Variants in PRKN observed in about 807,000 individuals in gnomAD.
PRKN encodes the protein parkin RBR E3 ubiquitin protein ligase, also known as E3 ubiquitin-protein ligase parkin.
Under a neutral mutation model 59.5 loss-of-function variants are expected in PRKN, and 56 were observed. The observed-to-expected ratio is 0.94, with a 90% CI of 0.76 to 1.18. PRKN has a LOEUF of 1.18. Ranked by LOEUF, PRKN falls within the 50% of genes most tolerant of loss-of-function variation. The pLI is 0.00. For missense variants in PRKN, 657 were observed against 596.4 expected, an observed-to-expected ratio of 1.10 and a Z score of -1.06; for synonymous variants, 250 against 222.1, an observed-to-expected ratio of 1.13 and a Z score of -1.12.
chr6:161,809,811 C>A (rs1791488746), intron 6 of PRKN, among the ~76,000 whole-genome samples: 1 of 152,126 alleles, frequency 6.6e-6, no homozygotes, highest in African/African-American at 2.4e-5. Context: ...ATGAAGGATA[C>A]CACCTGAGAC....
At chr6:162,241,956 T>C (rs1215933345) in intron 3 of PRKN, among the ~76,000 whole-genome samples, 2 of 151,354 alleles carry the variant, frequency 1.3e-5, no homozygotes, top group African/African-American at 4.8e-5. Context: ...CAAGCACCTA[T>C]ATAATTTATC....
At chr6:162,481,689 A>G (rs1173693683) in intron 1 of PRKN, among the ~76,000 whole-genome samples, 2 of 152,206 alleles carry the variant, frequency 1.3e-5, no homozygotes, top group East Asian at 1.9e-4. Flanking sequence ...AAGCCATTTT[A>G]GATCATACCA....
intron 4 of PRKN, among the ~76,000 whole-genome samples, chr6:162,185,297 T>G (rs1452874992): frequency 6.6e-6 from 1 of 152,158 alleles, no homozygotes; most frequent in Non-Finnish European, 1.5e-5. Context: ...TTCCCCCCAC[T>G]AAATGATAAA....
chr6:161,658,030 A>AG (rs1554289232), intron 7 of PRKN, among the ~76,000 whole-genome samples: 10 of 104,878 alleles, frequency 9.5e-5, no homozygotes, highest in Admixed American at 2.0e-4. Flanking sequence ...AAAAAAAAAA[A>AG]AAAAGAAAAG....
intron 1 of PRKN, among the ~76,000 whole-genome samples, chr6:162,693,733 A>G (rs1777865438): frequency 6.6e-6 from 1 of 152,220 alleles, no homozygotes; most frequent in Non-Finnish European, 1.5e-5. Context: ...GTGCATAATA[A>G]AAGTTCAATT....
At chr6:162,242,652 C>G (rs2128092229) in intron 3 of PRKN, among the ~76,000 whole-genome samples, 1 of 152,264 alleles carries the variant, frequency 6.6e-6, no homozygotes, top group Non-Finnish European at 1.5e-5. Context: ...CTCACAGCAA[C>G]AAATGCCATC....
intron 7 of PRKN, among the ~76,000 whole-genome samples, chr6:161,758,840 G>A (rs970843960): frequency 2.0e-5 from 3 of 152,082 alleles, no homozygotes; most frequent in African/African-American, 7.2e-5. Context: ...TGTCTCTTCC[G>A]TCCTATACCA....
chr6:162,042,941 T>C (rs1784120305), intron 5 of PRKN, among the ~76,000 whole-genome samples: 1 of 152,182 alleles, frequency 6.6e-6, no homozygotes, highest in African/African-American at 2.4e-5. Context: ...CATTAGTCCA[T>C]TTGCATGCTG....
chr6:162,603,437 C>T (rs1207835605), intron 1 of PRKN, among the ~76,000 whole-genome samples: 1 of 152,154 alleles, frequency 6.6e-6, no homozygotes, highest in Non-Finnish European at 1.5e-5. Context: ...TGTGCTGGAA[C>T]CCAGTCCCAC....
rs1779874286 is a variant in PRKN at position 161,548,520 on chromosome 6, C to T, written c.1083+334G>A. On this transcript the variant is annotated intron_variant, in intron 9 of 11. Transcript: ENST00000366898. This position sits in a 1 kb window ranked among gnomAD's most constrained non-coding sequence, Gnocchi z 4.2. ...CACTCCTGTCTACTTAAAGGCAACT[C>T]TGAAGAAAGAATAAATTTTTGCTCT... Among the ~76,000 whole-genome samples, 1 of 152,170 alleles carries T rather than the reference C, an allele frequency of 6.6e-6. No individual in the cohort carries two copies. Among genetic ancestry groups the T allele is most frequent in the Non-Finnish European group, 1.5e-5 (1 of 68,038 alleles).
At chr6:161,742,145 T>G (rs979742840) in intron 7 of PRKN, among the ~76,000 whole-genome samples, 1 of 152,028 alleles carries the variant, frequency 6.6e-6, no homozygotes, top group African/African-American at 2.4e-5. Flanking sequence ...AATTTTTGTA[T>G]TTTTAGTAGA....
In PRKN at chr6:162,106,997, A is replaced by G. The variant is rs577278592; in HGVS notation, c.535-52823T>C. 1.1e-4 allele frequency among the ~76,000 whole-genome samples: 17 copies of G among 152,254 alleles called. No homozygotes were observed. In the South Asian group the frequency reaches 1.7e-3, roughly 15 times the overall value. ...CTGTGCATTTGCTCTTTCAATACAC[A>G]TGAGGAGCTCGGTGTCACTCAACCT... On this transcript the variant is annotated intron_variant, in intron 4 of 11. Coordinates refer to ENST00000366898, the MANE Select transcript of PRKN (RefSeq NM_004562.3).
At chr6:161,920,362 C>A (rs1778735949) in intron 6 of PRKN, among the ~76,000 whole-genome samples, 1 of 145,948 alleles carries the variant, frequency 6.9e-6, no homozygotes, top group East Asian at 2.1e-4. Context: ...CCAGCCTGGG[C>A]CACAGAGCAA....
chr6:162,116,145 C>G lies in PRKN; in HGVS notation c.535-61971G>C, dbSNP rs1780662891. ...TGAGCAGGGGGTATAGATATACAAT[C>G]ATTAAGAATAATCACCAAATATTTC... On this transcript the variant is annotated intron_variant, in intron 4 of 11. Transcript: ENST00000366898. Among the ~76,000 whole-genome samples, 3 of 152,184 alleles carry G rather than the reference C, an allele frequency of 2.0e-5. No individual in the cohort carries two copies. In the South Asian group the frequency reaches 6.2e-4, roughly 32 times the overall value.
chr6:162,418,152 A>G (rs559435507), intron 2 of PRKN, among the ~76,000 whole-genome samples: 5 of 152,366 alleles, frequency 3.3e-5, no homozygotes, highest in African/African-American at 9.6e-5. Flanking sequence ...TGGTACATAC[A>G]TACAATGGAA....
chr6:161,906,023 G>A (rs542696586), intron 6 of PRKN, among the ~76,000 whole-genome samples: 1 of 151,438 alleles, frequency 6.6e-6, no homozygotes, highest in Admixed American at 6.6e-5. Flanking sequence ...AGAGAGACAG[G>A]GTCTCACTAT....
intron 9 of PRKN, among the ~76,000 whole-genome samples, chr6:161,501,270 T>A (rs765602076): frequency 3.3e-5 from 5 of 152,318 alleles, no homozygotes; most frequent in South Asian, 4.1e-4. Flanking sequence ...GAGCTCCACA[T>A]CCTCCCCAGC....
intron 1 of PRKN, among the ~76,000 whole-genome samples, chr6:162,603,222 G>A (rs1253455793): frequency 2.0e-5 from 3 of 152,104 alleles, no homozygotes; most frequent in Non-Finnish European, 4.4e-5. Context: ...AAAGTGGCAG[G>A]TAACAACTAA....
chr6:162,104,643 C>T (rs1047677136), intron 4 of PRKN, among the ~76,000 whole-genome samples: 3 of 152,106 alleles, frequency 2.0e-5, no homozygotes, highest in African/African-American at 7.2e-5. Context: ...ATCAGCAGGC[C>T]AGGCGTGGAC....
Sources: gnomAD v4.1 joint callset for allele counts (sites outside exome capture counted in the v4.1 genomes callset) on GRCh38, gnomAD v4.1.1 for gene constraint, Gnocchi (gnomAD v3.1) non-coding constraint, MANE v1.5 for transcripts, NCBI Gene and HGNC (gene_info 2026-07-23, HGNC 2026-07-21) for gene names.